ATP13A4: variants seen among roughly 807,000 people sequenced by gnomAD.
The protein encoded by ATP13A4 is ATPase 13A4.
ATP13A4 carries 114 observed loss-of-function variants against 142.5 expected under a neutral mutation model. The observed-to-expected ratio is 0.80, with a 90% CI of 0.69 to 0.93. The LOEUF is 0.93. ATP13A4 is among the 40% of genes least tolerant of loss of function. The pLI is 0.00. For missense variants in ATP13A4, 1,392 were observed against 1,454.0 expected, an observed-to-expected ratio of 0.96 and a Z score of 0.69; for synonymous variants, 488 against 514.8, an observed-to-expected ratio of 0.95 and a Z score of 0.70.
In ATP13A4 at chr3:193,539,031, G is replaced by A. The variant is rs78220761; in HGVS notation, c.60+15709C>T. On this transcript the variant is annotated intron_variant, in intron 1 of 29. Coordinates refer to ENST00000342695, the MANE Select transcript of ATP13A4 (RefSeq NM_032279.4). ...TGGGATTACAGGCATGTGCCACCACGCCCAGCTAATTTTGTATTTTTAGTA... is the reference window on the plus strand; with the variant it reads ...TGGGATTACAGGCATGTGCCACCACACCCAGCTAATTTTGTATTTTTAGTA... Among the ~76,000 whole-genome samples the A allele has an allele frequency of 5.5e-3, 832 of 151,318 alleles. 15 individuals are homozygous for A. In the East Asian group the frequency reaches 0.07, roughly 13 times the overall value.
At position 193,514,857 on chromosome 3, in the gene ATP13A4, A is replaced by G. The variant is rs1448812242; in HGVS notation, c.75T>C (p.Tyr25=). The change falls in exon 2 of 30, where the codon TAT becomes TAC. Residue 25 remains tyrosine (Y), a synonymous_variant. Transcript: ENST00000342695. ...GACTTTTCCGGCAGCCTTGAGTCCG[A>G]TAGCCAAATATCTCCTGGGACAGAA... The part of the protein sequence containing the change: ...GEENEMEIFG[Y]RTQGCRKSLC... The G allele has an allele frequency of 6.2e-7, 1 of 1,614,170 alleles. No homozygotes were observed. The highest frequency in any genetic ancestry group is 1.1e-5 in the South Asian group (1 of 91,078).
At chr3:193,405,125 G>A (rs370595360) in intron 29 of ATP13A4, among the ~76,000 whole-genome samples, 4 of 152,198 alleles carry the variant, frequency 2.6e-5, no homozygotes, top group East Asian at 3.9e-4. Context: ...GCAAGAAAGT[G>A]GTGGAGCCAG....
intron 1 of ATP13A4, among the ~76,000 whole-genome samples, chr3:193,540,315 A>G (rs952971789): frequency 2.0e-5 from 3 of 151,980 alleles, no homozygotes; most frequent in African/African-American, 7.3e-5. Context: ...TGTCTGTCAC[A>G]TAGTTCTTCC....
intron 1 of ATP13A4, among the ~76,000 whole-genome samples, chr3:193,520,466 T>A (rs1384656589): frequency 1.3e-5 from 2 of 152,236 alleles, no homozygotes; most frequent in Non-Finnish European, 1.5e-5. Context: ...TTTTGCTTTT[T>A]CTTTCTCTTT....
intron 1 of ATP13A4, among the ~76,000 whole-genome samples, chr3:193,523,040 C>T (rs1157952479): frequency 2.6e-5 from 4 of 152,116 alleles, no homozygotes; most frequent in Non-Finnish European, 4.4e-5. Context: ...TGGTGGCTTA[C>T]GCCTGTAATC....
intron 8 of ATP13A4, among the ~76,000 whole-genome samples, 155 bp downstream of exon 8, chr3:193,483,781 T>TA (rs200782119): frequency 7.6e-4 from 111 of 146,654 alleles, no homozygotes; most frequent in East Asian, 3.4e-3. Flanking sequence ...GTTTTTAAGG[T>TA]AAAAAAAAAA....
intron 3 of ATP13A4, among the ~76,000 whole-genome samples, chr3:193,495,759 G>C (rs1250378491): frequency 2.0e-5 from 3 of 152,020 alleles, no homozygotes; most frequent in Non-Finnish European, 4.4e-5. Context: ...GAAGTAAAAG[G>C]CATCAAAATT....
At chr3:193,565,191 A>G (rs1034277648) in intron 2 of ATP13A4, among the ~76,000 whole-genome samples, 2 of 152,214 alleles carry the variant, frequency 1.3e-5, no homozygotes, top group Non-Finnish European at 2.9e-5. Context: ...TTTGTCTTCC[A>G]TGAAACTGGT....
chr3:193,468,970 A>C (rs1447976026), intron 9 of ATP13A4, among the ~76,000 whole-genome samples: 5 of 152,238 alleles, frequency 3.3e-5, no homozygotes, highest in African/African-American at 9.6e-5. Flanking sequence ...CCATGTTGAG[A>C]AGCCTTGTAG....
At position 193,412,389 on chromosome 3, in the gene ATP13A4, A is replaced by G; in HGVS notation, c.3015-18T>C. ...TGCAGGCACTAAAAGGGAAAACCAA[A>G]GAAGCTAATGAAGTAAGATTGCAAG... On this transcript the variant is annotated intron_variant, in intron 26 of 29. Coordinates refer to ENST00000342695, the MANE Select transcript of ATP13A4 (RefSeq NM_032279.4). 3 of 1,611,164 alleles carry G rather than the reference A, an allele frequency of 1.9e-6. No individual in the cohort carries two copies. Among genetic ancestry groups the G allele is most frequent in the Non-Finnish European group, 2.5e-6 (3 of 1,177,514 alleles).
At chr3:193,548,893 C>T (rs1389384889) in intron 1 of ATP13A4, among the ~76,000 whole-genome samples, 2 of 152,114 alleles carry the variant, frequency 1.3e-5, no homozygotes, top group East Asian at 3.9e-4. Flanking sequence ...TTTTTAGTTA[C>T]CCACTACTGG....
At chr3:193,540,152 A>T (rs1438084355) in intron 1 of ATP13A4, among the ~76,000 whole-genome samples, 1 of 152,108 alleles carries the variant, frequency 6.6e-6, no homozygotes, top group Non-Finnish European at 1.5e-5. Flanking sequence ...GAGAAGGTAC[A>T]TGGGAAATTT....
intron 7 of ATP13A4, among the ~76,000 whole-genome samples, chr3:193,484,542 C>T (rs1719495554): frequency 6.6e-6 from 1 of 152,068 alleles, no homozygotes; most frequent in African/African-American, 2.4e-5. Flanking sequence ...AAGTCCCAGT[C>T]ATTTAGTGTG....
intron 8 of ATP13A4, among the ~76,000 whole-genome samples, chr3:193,483,506 C>T (rs1016905226): frequency 6.6e-6 from 1 of 152,076 alleles, no homozygotes; most frequent in Non-Finnish European, 1.5e-5. Flanking sequence ...GCTCTGTCAC[C>T]CAGGCTGGAG....
chr3:193,457,057 G>C lies in ATP13A4; in HGVS notation c.1858C>G (p.Leu620Val). ...VIVQEMGGDR[L>V]AFMKGAPERV... Reference sequence around the variant, plus strand: ...TCTGGTGCACCTTTCATGAATGCCAGTCGGTCACCTCCCATCTCTTGGACA... The same window carrying C: ...TCTGGTGCACCTTTCATGAATGCCACTCGGTCACCTCCCATCTCTTGGACA... The change falls in exon 16 of 30, where the codon CTG becomes GTG. Residue 620 changes from leucine (L) to valine (V), a missense_variant. By Grantham distance (32) the Leu-to-Val change is conservative. Transcript: ENST00000342695. The C allele has an allele frequency of 6.2e-7, 1 of 1,614,170 alleles. No individual in the cohort carries two copies. Among genetic ancestry groups the C allele is most frequent in the Middle Eastern group, 1.7e-4 (1 of 6,020 alleles).
At chr3:193,523,679 G>A (rs1721846057) in intron 1 of ATP13A4, among the ~76,000 whole-genome samples, 1 of 152,224 alleles carries the variant, frequency 6.6e-6, no homozygotes, top group African/African-American at 2.4e-5. Flanking sequence ...TGCTTCATCT[G>A]GTTATTCATT....
chr3:193,459,365 C>T, intron 13 of ATP13A4, 134 bp from the exon 14 acceptor site: 2 of 1,133,084 alleles, frequency 1.8e-6, no homozygotes, highest in Admixed American at 4.0e-5. Context: ...CTCCAATCCT[C>T]CCACATTAAT....
At chr3:193,483,450 T>G (rs1719410075) in intron 8 of ATP13A4, among the ~76,000 whole-genome samples, 1 of 152,118 alleles carries the variant, frequency 6.6e-6, no homozygotes, top group Non-Finnish European at 1.5e-5. Context: ...AAAGTAGTTT[T>G]TTTGTTTGTT....
At chr3:193,572,492 C>T (rs1422016131) in intron 2 of ATP13A4, among the ~76,000 whole-genome samples, 1 of 152,160 alleles carries the variant, frequency 6.6e-6, no homozygotes, top group Non-Finnish European at 1.5e-5. Flanking sequence ...GAATTTGGAT[C>T]TAGATGGATG....
Sources: gnomAD v4.1 joint callset for allele counts (sites outside exome capture counted in the v4.1 genomes callset) on GRCh38, gnomAD v4.1.1 for gene constraint, MANE v1.5 for transcripts, NCBI Gene and HGNC (gene_info 2026-07-23, HGNC 2026-07-21) for gene names.